Variants in PRDM16 observed in about 807,000 individuals in gnomAD.
PRDM16 encodes the protein PR/SET domain 16.
In PRDM16, 23 loss-of-function variants were observed where a neutral mutation model predicts 110.6. That is an observed-to-expected ratio of 0.21 (90% CI 0.15 to 0.29). The LOEUF is 0.29. Among genes scored for constraint, PRDM16 ranks in the 10% least tolerant of loss-of-function variants. PRDM16 has a pLI of 1.00. For missense variants in PRDM16, 1,615 were observed against 1,794.3 expected, an observed-to-expected ratio of 0.90 and a Z score of 1.81; for synonymous variants, 799 against 781.8, an observed-to-expected ratio of 1.02 and a Z score of -0.37.
rs369812170 is a variant in PRDM16 at position 3,425,801 on chromosome 1, C to T, written c.3109+51C>T. The T allele has an allele frequency of 1.4e-3, 2,272 of 1,602,890 alleles. 3 individuals are homozygous for T. The highest frequency in any genetic ancestry group is 3.0e-3 in the Admixed American group (177 of 59,612). On this transcript the variant is annotated intron_variant, in intron 13 of 16. Transcript: ENST00000270722. The surrounding 1 kb of genome is among the most constrained non-coding windows in gnomAD (Gnocchi z 6.9). ...CCCAGAGCACCCACACGGGCAGGCCCCACAGAGGGGGAGGGGGAACAGCAG... is the reference window on the plus strand; with the variant it reads ...CCCAGAGCACCCACACGGGCAGGCCTCACAGAGGGGGAGGGGGAACAGCAG...
At chr1:3,393,595 C>G (rs1643331921) in intron 4 of PRDM16, among the ~76,000 whole-genome samples, 2 of 152,208 alleles carry the variant, frequency 1.3e-5, no homozygotes, top group African/African-American at 2.4e-5. Flanking sequence ...CGCAGACGCC[C>G]GGTTCCCACC....
intron 3 of PRDM16, among the ~76,000 whole-genome samples, chr1:3,284,172 G>A (rs1262046840): frequency 6.6e-6 from 1 of 152,236 alleles, no homozygotes; most frequent in African/African-American, 2.4e-5. Flanking sequence ...GCCTGCCTGG[G>A]GGACATCTCG....
At chr1:3,123,467 G>A (rs952099386) in intron 1 of PRDM16, among the ~76,000 whole-genome samples, 5 of 152,206 alleles carry the variant, frequency 3.3e-5, no homozygotes. Flanking sequence ...TGGAGCCTGC[G>A]GCCTTCCTGG....
chr1:3,380,762 G>T (rs1388899836), intron 3 of PRDM16, among the ~76,000 whole-genome samples: 2 of 152,192 alleles, frequency 1.3e-5, no homozygotes, highest in African/African-American at 2.4e-5. Context: ...GGCTTATTCT[G>T]CAAGGTGAGG....
In PRDM16 at chr1:3,412,454, G is replaced by T. The variant is rs778769330; in HGVS notation, c.2257G>T (p.Ala753Ser). The change falls in exon 9 of 17, where the codon GCC (alanine) becomes TCC (serine). Residue 753 changes from alanine (A) to serine (S), a missense_variant. Physicochemically the swap from Ala to Ser is moderately conservative, Grantham distance 99. Around this residue, in one of 5 missense-constraint regions of PRDM16, gnomAD observed 772 missense variants for 748.3 expected, o/e 1.03. Transcript: ENST00000270722. ...RALAHNLLVK[A>S]EPKSPRDALK... ...CCTCGCCCACAACTTGCTGGTCAAG[G>T]CCGAGCCAAAGTCACCCCGGGACGC... is the stretch of plus-strand genomic sequence containing the variant. 11 of 1,612,478 alleles carry T rather than the reference G, an allele frequency of 6.8e-6. No homozygotes were observed. In the Admixed American group the frequency reaches 1.8e-4, roughly 27 times the overall value.
rs749732683 is a variant in PRDM16 at position 3,412,207 on chromosome 1, C to G, written c.2010C>G (p.Ser670=). Residue 670 remains serine, a synonymous_variant, in exon 9 of 17, where the codon TCC becomes TCG. Transcript: ENST00000270722. The stretch of plus-strand genomic sequence containing the variant: ...TGGCCGAGGTGCCTGTCTTCTATTC[C>G]CAGCACTCATTCTTCCCGCCACCCG... The part of the protein sequence containing the change: ...NSVAEVPVFY[S]QHSFFPPPDE... The G allele has an allele frequency of 6.2e-7, 1 of 1,605,562 alleles. No individual in the cohort carries two copies. Among genetic ancestry groups the G allele is most frequent in the African/African-American group, 1.3e-5 (1 of 74,810 alleles).
At chr1:3,092,830 G>C (rs1023722089) in intron 1 of PRDM16, among the ~76,000 whole-genome samples, 1 of 151,938 alleles carries the variant, frequency 6.6e-6, no homozygotes, top group African/African-American at 2.4e-5. Context: ...AGGACATGAA[G>C]TCTCAAGGCA....
chr1:3,204,882 A>G (rs1345011520), intron 2 of PRDM16, among the ~76,000 whole-genome samples: 1 of 152,060 alleles, frequency 6.6e-6, no homozygotes, highest in Non-Finnish European at 1.5e-5. Context: ...CTAATTGGAG[A>G]GTGGGACCCC....
Position 3,069,254 on chromosome 1 carries a change from G to T in PRDM16, c.-6G>T. On this transcript the variant is annotated 5_prime_UTR_variant, in exon 1 of 17. Coordinates refer to ENST00000270722, the MANE Select transcript of PRDM16 (RefSeq NM_022114.4). The surrounding 1 kb of genome is among the most constrained non-coding windows in gnomAD (Gnocchi z 6.1). ...GAGGAGGAGAGAGATTCCGCGAGCC[G>T]ACACCATGCGATCCAAGGCGAGGGC... The T allele has an allele frequency of 6.3e-7, 1 of 1,575,660 alleles. No homozygotes were observed. The highest frequency in any genetic ancestry group is 8.6e-7 in the Non-Finnish European group (1 of 1,162,278).
chr1:3,368,141 G>A (rs1569584695), intron 3 of PRDM16, among the ~76,000 whole-genome samples: 1 of 152,178 alleles, frequency 6.6e-6, no homozygotes, highest in African/African-American at 2.4e-5. Context: ...GCAACCTACC[G>A]AAATCATGCA....
intron 1 of PRDM16, among the ~76,000 whole-genome samples, chr1:3,092,170 C>T (rs1642293728): frequency 6.6e-6 from 1 of 152,138 alleles, no homozygotes; most frequent in Non-Finnish European, 1.5e-5. Context: ...CAGAGAGCAC[C>T]ACGACTGTGC....
At chr1:3,374,435 C>T (rs1033269935) in intron 3 of PRDM16, among the ~76,000 whole-genome samples, 2 of 152,232 alleles carry the variant, frequency 1.3e-5, no homozygotes, top group Non-Finnish European at 2.9e-5. Flanking sequence ...CTAAGCTACT[C>T]CCAACACGTA....
At chr1:3,351,131 T>C (rs1400274722) in intron 3 of PRDM16, among the ~76,000 whole-genome samples, 1 of 152,148 alleles carries the variant, frequency 6.6e-6, no homozygotes, top group Non-Finnish European at 1.5e-5. Context: ...TTCACCAGCT[T>C]GTGGGTCTCT....
chr1:3,201,186 G>T lies in PRDM16; in HGVS notation c.387+14712G>T, dbSNP rs1365944666. On this transcript the variant is annotated intron_variant, in intron 2 of 16. Transcript: ENST00000270722. This position sits in a 1 kb window ranked among gnomAD's most constrained non-coding sequence, Gnocchi z 4.1. ...AGGACAGGGATGGAAAAAGGGGTCT[G>T]GGCTGCATTTTGATAAAAGCCTTCA... Among the ~76,000 whole-genome samples, 1 of 152,176 alleles carries T rather than the reference G, an allele frequency of 6.6e-6. No individual in the cohort carries two copies. The highest frequency in any genetic ancestry group is 1.5e-5 in the Non-Finnish European group (1 of 68,028).
chr1:3,314,710 C>T (rs1641558217), intron 3 of PRDM16, among the ~76,000 whole-genome samples: 1 of 152,116 alleles, frequency 6.6e-6, no homozygotes, highest in Non-Finnish European at 1.5e-5. Flanking sequence ...GTTCCTCCCC[C>T]TCCTCCTCAT....
chr1:3,180,748 G>A (rs1313100191), intron 1 of PRDM16, among the ~76,000 whole-genome samples: 1 of 152,010 alleles, frequency 6.6e-6, no homozygotes, highest in Admixed American at 6.5e-5. Flanking sequence ...AGACAGAAGA[G>A]AAACAGCGTT....
intron 3 of PRDM16, among the ~76,000 whole-genome samples, chr1:3,273,255 G>A (rs1210999573): frequency 1.3e-5 from 2 of 152,156 alleles, no homozygotes; most frequent in African/African-American, 2.4e-5. Flanking sequence ...CCTCCCCAGG[G>A]CACCAACCTT....
At chr1:3,405,728 C>T in intron 8 of PRDM16, 80 bp downstream of exon 8, 1 of 1,409,090 alleles carries the variant, frequency 7.1e-7, no homozygotes. Context: ...GGCCATCCCC[C>T]AAGGTCTCCC....
At chr1:3,187,406 G>A (rs1366688355) in intron 2 of PRDM16, among the ~76,000 whole-genome samples, 1 of 152,202 alleles carries the variant, frequency 6.6e-6, no homozygotes, top group Non-Finnish European at 1.5e-5. Flanking sequence ...CAAATGGCCT[G>A]AGCAGGGAAG....
Sources: gnomAD v4.1 joint callset for allele counts (sites outside exome capture counted in the v4.1 genomes callset) on GRCh38, gnomAD v4.1.1 for gene constraint, gnomAD v4.1.1 regional missense constraint, Gnocchi (gnomAD v3.1) non-coding constraint, MANE v1.5 for transcripts, NCBI Gene and HGNC (gene_info 2026-07-23, HGNC 2026-07-21) for gene names.